PHLPP1: variants seen among roughly 807,000 people sequenced by gnomAD.
The protein encoded by PHLPP1 is PH domain leucine-rich repeat-containing protein phosphatase 1.
A neutral mutation model predicts 117.2 loss-of-function variants in PHLPP1; 42 were observed. That is an observed-to-expected ratio of 0.36 (90% CI 0.28 to 0.46). PHLPP1 has a LOEUF of 0.46. Among genes scored for constraint, PHLPP1 ranks in the 20% least tolerant of loss-of-function variants. The pLI is 1.00. For missense variants in PHLPP1, 2,084 were observed against 2,241.9 expected, an observed-to-expected ratio of 0.93 and a Z score of 1.42; for synonymous variants, 1,042 against 970.7, an observed-to-expected ratio of 1.07 and a Z score of -1.37.
At chr18:62,766,052 C>A (rs1291700320) in intron 1 of PHLPP1, among the ~76,000 whole-genome samples, 6 of 35,606 alleles carry the variant, frequency 1.7e-4, no homozygotes, top group Admixed American at 1.2e-3. Context: ...CAGAGCTAGA[C>A]TCCATCTCAA....
chr18:62,933,878 T>C (rs1568166181), intron 10 of PHLPP1, among the ~76,000 whole-genome samples: 7 of 151,356 alleles, frequency 4.6e-5, no homozygotes, highest in Admixed American at 2.6e-4. Flanking sequence ...TATAAGAAAC[T>C]TAAATAAGAA....
intron 3 of PHLPP1, among the ~76,000 whole-genome samples, chr18:62,855,480 A>G (rs1407746402): frequency 2.0e-5 from 3 of 152,150 alleles, no homozygotes; most frequent in Admixed American, 6.5e-5. Context: ...AAGCACTTAA[A>G]TCTCCCATTC....
intron 14 of PHLPP1, among the ~76,000 whole-genome samples, chr18:62,964,038 A>G (rs567635): frequency 0.41 from 61,510 of 151,506 alleles, 12,671 homozygotes; most frequent in East Asian, 0.62. Flanking sequence ...TCTCTTAGAT[A>G]CAGATATTGA....
At chr18:62,960,464 G>A (rs1259488110) in intron 13 of PHLPP1, among the ~76,000 whole-genome samples, 2 of 152,032 alleles carry the variant, frequency 1.3e-5, no homozygotes, top group African/African-American at 2.4e-5. Flanking sequence ...AAACTCTCAA[G>A]AGTAGATATA....
At chr18:62,835,437 A>AC (rs912066256) in intron 2 of PHLPP1, among the ~76,000 whole-genome samples, 2 of 151,394 alleles carry the variant, frequency 1.3e-5, no homozygotes, top group African/African-American at 2.4e-5. Context: ...ACCTCAGGTG[A>AC]CCCCCCTGCC....
intron 14 of PHLPP1, among the ~76,000 whole-genome samples, chr18:62,969,335 G>C (rs537188044): frequency 6.6e-6 from 1 of 152,270 alleles, no homozygotes; most frequent in South Asian, 2.1e-4. Flanking sequence ...TAAGCATTTA[G>C]AGTTGTAAAT....
chr18:62,867,874 C>T (rs890694348), intron 4 of PHLPP1, among the ~76,000 whole-genome samples: 1 of 151,762 alleles, frequency 6.6e-6, no homozygotes, highest in Non-Finnish European at 1.5e-5. Context: ...CGCAGTGGGG[C>T]GATCTCGGCT....
chr18:62,732,739 A>G (rs1330260294), intron 1 of PHLPP1, among the ~76,000 whole-genome samples: 1 of 152,252 alleles, frequency 6.6e-6, no homozygotes, highest in Non-Finnish European at 1.5e-5. Context: ...GGATGCCATT[A>G]AGAACATTTG....
intron 3 of PHLPP1, among the ~76,000 whole-genome samples, chr18:62,842,002 A>G (rs1915065418): frequency 6.6e-6 from 1 of 152,106 alleles, no homozygotes; most frequent in South Asian, 2.1e-4. Context: ...CAAGTTTTAA[A>G]CTTTTTCATC....
chr18:62,930,571 T>C (rs990434348), intron 10 of PHLPP1, among the ~76,000 whole-genome samples: 3 of 152,154 alleles, frequency 2.0e-5, no homozygotes, highest in Non-Finnish European at 4.4e-5. Context: ...ATAAAACGAA[T>C]ACCAGACCTA....
At chr18:62,719,564 A>C (rs189095879) in intron 1 of PHLPP1, among the ~76,000 whole-genome samples, 174 of 152,330 alleles carry the variant, frequency 1.1e-3, no homozygotes, top group African/African-American at 4.2e-3. Context: ...AACAGGACAG[A>C]GTTACATTTT....
rs1019037748 is a variant in PHLPP1 at position 62,826,465 on chromosome 18, C to T, written c.1577-3570C>T. Among the ~76,000 whole-genome samples, 5 of 152,150 alleles carry T rather than the reference C, an allele frequency of 3.3e-5. 1 individual carries two copies. The highest frequency in any genetic ancestry group is 2.0e-4 in the Admixed American group (3 of 15,280). On this transcript the variant is annotated intron_variant, in intron 1 of 16. Transcript: ENST00000262719. ...CAGAAATCTAAGTGATACTAATATA[C>T]GTGGTCCTTGGACTACATTTTTAGA...
chr18:62,925,264 C>T (rs1011716655), intron 10 of PHLPP1, among the ~76,000 whole-genome samples: 4 of 152,256 alleles, frequency 2.6e-5, no homozygotes, highest in Middle Eastern at 3.4e-3. Flanking sequence ...ATTTGATGGC[C>T]AGACCGCTTT....
chr18:62,717,083 C>T lies in PHLPP1; in HGVS notation c.1400C>T (p.Pro467Leu). 2 of 1,548,678 alleles carry T rather than the reference C, an allele frequency of 1.3e-6. No individual in the cohort carries two copies. The highest frequency in any genetic ancestry group is 1.7e-6 in the Non-Finnish European group (2 of 1,147,116). Reference sequence around the variant, plus strand: ...GCGGAGAAGGCGCCTCCGCCGCCCCCGCCGCCCACCCTGTACGTGCAGCTC... The same window carrying T: ...GCGGAGAAGGCGCCTCCGCCGCCCCTGCCGCCCACCCTGTACGTGCAGCTC... ...VTAEKAPPPP[P>L]PPTLYVQLHG... Residue 467 changes from proline (P) to leucine (L), a missense_variant, in exon 1 of 17, where the codon CCG (proline) becomes CTG (leucine). Pro to Leu is a moderately conservative substitution (Grantham distance 98). Around this residue, in one of 2 missense-constraint regions of PHLPP1, gnomAD observed 1,365 missense variants for 1,605.9 expected, o/e 0.85. Coordinates refer to ENST00000262719, the MANE Select transcript of PHLPP1 (RefSeq NM_194449.4).
chr18:62,752,928 A>T (rs902055603), intron 1 of PHLPP1, among the ~76,000 whole-genome samples: 4 of 152,212 alleles, frequency 2.6e-5, no homozygotes, highest in African/African-American at 9.6e-5. Context: ...CTGGATGAAA[A>T]CTAAATAAAA....
At position 62,726,538 on chromosome 18, in the gene PHLPP1, T is replaced by G. The variant is rs1002004908; in HGVS notation, c.1576+9279T>G. 2.6e-5 allele frequency among the ~76,000 whole-genome samples: 4 copies of G among 151,546 alleles called. No homozygotes were observed. The East Asian group carries it at 5.8e-4, about 22-fold the overall frequency. ...AAAATTTTCTAGTACTTGTAGTATTTTATCATTTTCTTTTCTTTTCTTTCC... is the reference window on the plus strand; with the variant it reads ...AAAATTTTCTAGTACTTGTAGTATTGTATCATTTTCTTTTCTTTTCTTTCC... On this transcript the variant is annotated intron_variant, in intron 1 of 16. Transcript: ENST00000262719.
At chr18:62,800,932 A>G (rs762361853) in intron 1 of PHLPP1, among the ~76,000 whole-genome samples, 3 of 151,966 alleles carry the variant, frequency 2.0e-5, no homozygotes, top group Non-Finnish European at 2.9e-5. Context: ...TTACTTAACC[A>G]GAAATTCCCT....
intron 10 of PHLPP1, among the ~76,000 whole-genome samples, chr18:62,925,986 G>T (rs1206490182): frequency 6.6e-6 from 1 of 152,174 alleles, no homozygotes; most frequent in Non-Finnish European, 1.5e-5. Flanking sequence ...TTTTATAAAA[G>T]AAGGATTTTA....
At chr18:62,798,886 G>T (rs1913698618) in intron 1 of PHLPP1, among the ~76,000 whole-genome samples, 1 of 152,042 alleles carries the variant, frequency 6.6e-6, no homozygotes, top group South Asian at 2.1e-4. Context: ...CCTGTGAAAA[G>T]AATGGGCATG....
Sources: gnomAD v4.1 joint callset for allele counts (sites outside exome capture counted in the v4.1 genomes callset) on GRCh38, gnomAD v4.1.1 for gene constraint, gnomAD v4.1.1 regional missense constraint, MANE v1.5 for transcripts, NCBI Gene and HGNC (gene_info 2026-07-23, HGNC 2026-07-21) for gene names.